The following SHLD1 variants were observed in gnomAD, a reference collection of about 807,000 sequenced individuals.
SHLD1 encodes the protein shieldin complex subunit 1.
SHLD1 carries 3 observed loss-of-function variants against 5.5 expected under a neutral mutation model. The ratio of observed to expected loss-of-function variants is 0.54; its 90% CI spans 0.25 to 1.40. SHLD1 has a LOEUF of 1.40. SHLD1 is among the 40% of genes most tolerant of loss of function. The pLI, the probability that SHLD1 is intolerant of heterozygous loss-of-function variation, is 0.15. For synonymous variants in SHLD1, 92 were observed against 94.3 expected (o/e 0.98, Z 0.14); for missense variants, 210 against 244.4 (o/e 0.86, Z 0.94).
At chr20:5,821,372 G>T (rs927911609) in intron 2 of SHLD1, among the ~76,000 whole-genome samples, 1 of 152,100 alleles carries the variant, frequency 6.6e-6, no homozygotes, top group Non-Finnish European at 1.5e-5. Context: ...AATCAGCCGG[G>T]CGTGGTGGTG....
intron 1 of SHLD1, among the ~76,000 whole-genome samples, chr20:5,755,844 C>T (rs1038558613): frequency 6.6e-6 from 1 of 152,152 alleles, no homozygotes; most frequent in Admixed American, 6.6e-5. Context: ...CAGGCATGGG[C>T]CACCACGTCT....
chr20:5,850,315 C>T (rs1282197079), intron 2 of SHLD1, among the ~76,000 whole-genome samples: 2 of 151,752 alleles, frequency 1.3e-5, no homozygotes, highest in South Asian at 2.1e-4. Flanking sequence ...AGCCCCCACG[C>T]CCTCCAGAGC....
intron 1 of SHLD1, among the ~76,000 whole-genome samples, chr20:5,768,027 T>C (rs1984940979): frequency 6.8e-6 from 1 of 148,012 alleles, no homozygotes; most frequent in Non-Finnish European, 1.5e-5. Flanking sequence ...CAGGCTGGAG[T>C]GCAGTGGTGT....
rs2087383748 is a variant in SHLD1 at position 5,806,854 on chromosome 20, C to T, written c.178+33811C>T. Among the ~76,000 whole-genome samples, 1 of 152,244 alleles carries T rather than the reference C, an allele frequency of 6.6e-6. No individual in the cohort carries two copies. Among genetic ancestry groups the T allele is most frequent in the Non-Finnish European group, 1.5e-5 (1 of 68,038 alleles). On this transcript the variant is annotated intron_variant, in intron 2 of 2. Transcript: ENST00000303142. This position sits in a 1 kb window ranked among gnomAD's most constrained non-coding sequence, Gnocchi z 7.6. ...AGTGATGGTTGCCAGCCCTCTGTCA[C>T]CACCCTCTCCACTAGAATGCCATGT...
intron 2 of SHLD1, among the ~76,000 whole-genome samples, chr20:5,812,971 C>T (rs931903600): frequency 6.6e-5 from 10 of 152,048 alleles, no homozygotes; most frequent in African/African-American, 2.4e-4. Context: ...ACCTCCCAGG[C>T]TCAGGTGACA....
At chr20:5,794,232 T>C (rs557370873) in intron 2 of SHLD1, among the ~76,000 whole-genome samples, 9 of 152,332 alleles carry the variant, frequency 5.9e-5, no homozygotes, top group African/African-American at 1.2e-4. Context: ...ATCTGCTTCA[T>C]AGGTTGTCAT....
chr20:5,851,725 G>A (rs2088013120), intron 2 of SHLD1, among the ~76,000 whole-genome samples: 1 of 151,638 alleles, frequency 6.6e-6, no homozygotes, highest in Non-Finnish European at 1.5e-5. Context: ...AAATTACTGA[G>A]ATATATATTT....
At chr20:5,752,857 C>T (rs1040344494) in intron 1 of SHLD1, among the ~76,000 whole-genome samples, 2 of 152,136 alleles carry the variant, frequency 1.3e-5, no homozygotes, top group Non-Finnish European at 2.9e-5. Flanking sequence ...TGCAGTGGCG[C>T]AGTCTCAGCT....
chr20:5,829,243 T>C (rs562012669), intron 2 of SHLD1, among the ~76,000 whole-genome samples: 1 of 152,166 alleles, frequency 6.6e-6, no homozygotes, highest in Non-Finnish European at 1.5e-5. Context: ...TTTAATAACA[T>C]GAAAAAAGAT....
intron 2 of SHLD1, among the ~76,000 whole-genome samples, chr20:5,813,945 C>CTTTTTTTTTTTTTTTT (rs143110037): frequency 6.3e-5 from 5 of 79,972 alleles, no homozygotes; most frequent in East Asian, 4.4e-4. Flanking sequence ...CCTTTTCTTT[C>CTTTTTTTTTTTTTTTT]TTTTTTTTTT....
At chr20:5,773,467 G>A (rs1378898337) in intron 2 of SHLD1, 1 of 310,962 alleles carries the variant, frequency 3.2e-6, no homozygotes, top group East Asian at 5.9e-5. Context: ...GAAGTATGCT[G>A]TGGATTTAAG....
intron 2 of SHLD1, among the ~76,000 whole-genome samples, chr20:5,827,287 C>T (rs1250956745): frequency 1.3e-5 from 2 of 152,166 alleles, no homozygotes; most frequent in African/African-American, 4.8e-5. Context: ...GTAAATAGTC[C>T]AACCTTGCCT....
intron 2 of SHLD1, among the ~76,000 whole-genome samples, chr20:5,788,500 TG>T (rs1325871156): frequency 2.0e-5 from 3 of 152,228 alleles, no homozygotes; most frequent in Non-Finnish European, 2.9e-5. Flanking sequence ...CTGGAGGTGG[TG>T]CCTGGCGAGT....
rs766446372 is a variant in SHLD1 at position 5,826,846 on chromosome 20, G to C, written c.179-36178G>C. Among the ~76,000 whole-genome samples the C allele has an allele frequency of 2.0e-5, 3 of 152,100 alleles. No homozygotes were observed. In the East Asian group the frequency reaches 5.8e-4, roughly 29 times the overall value. On this transcript the variant is annotated intron_variant, in intron 2 of 2. Transcript: ENST00000303142. ...AAGCCTGGGGAAGAGGGCCTGGCAC[G>C]CATAGGTTTCACGTAAGTGCTGTGG...
chr20:5,778,976 G>A (rs1985565219), intron 2 of SHLD1, among the ~76,000 whole-genome samples: 1 of 152,086 alleles, frequency 6.6e-6, no homozygotes, highest in African/African-American at 2.4e-5. Context: ...GGCGAAGCAG[G>A]TGTATCGCTT....
At chr20:5,756,263 C>A (rs1463922162) in intron 1 of SHLD1, among the ~76,000 whole-genome samples, 16 of 149,888 alleles carry the variant, frequency 1.1e-4, no homozygotes, top group African/African-American at 3.9e-4. Context: ...TCAGCCTGGG[C>A]AATATAGTGA....
intron 2 of SHLD1, among the ~76,000 whole-genome samples, chr20:5,803,596 C>T (rs555222111): frequency 3.3e-5 from 5 of 152,184 alleles, no homozygotes; most frequent in South Asian, 2.1e-4. Flanking sequence ...AAGGGCCAGT[C>T]GCGGTGGCTC....
intron 2 of SHLD1, among the ~76,000 whole-genome samples, chr20:5,841,496 T>C (rs548313411): frequency 6.6e-6 from 1 of 152,364 alleles, no homozygotes. Context: ...ATAATTAGGT[T>C]ATTTTTCATT....
chr20:5,849,154 G>T (rs111350277), intron 2 of SHLD1, among the ~76,000 whole-genome samples: 2 of 152,176 alleles, frequency 1.3e-5, no homozygotes, highest in Non-Finnish European at 2.9e-5. Context: ...TTGTTTTTCT[G>T]TAACTAATTT....
Sources: gnomAD v4.1 joint callset for allele counts (sites outside exome capture counted in the v4.1 genomes callset) on GRCh38, gnomAD v4.1.1 for gene constraint, Gnocchi (gnomAD v3.1) non-coding constraint, MANE v1.5 for transcripts, NCBI Gene and HGNC (gene_info 2026-07-23, HGNC 2026-07-21) for gene names.